The following PRKN variants were observed in gnomAD, a reference collection of about 807,000 sequenced individuals.
The protein encoded by PRKN is E3 ubiquitin-protein ligase parkin.
A neutral mutation model predicts 59.5 loss-of-function variants in PRKN; 56 were observed. The ratio of observed to expected loss-of-function variants is 0.94; its 90% CI spans 0.76 to 1.18. The LOEUF (loss-of-function observed/expected upper bound fraction) is 1.18, where lower values mean the gene tolerates loss of function less well. Ranked by LOEUF, PRKN falls within the 50% of genes most tolerant of loss-of-function variation. The pLI is 0.00. For missense variants in PRKN, 657 were observed against 596.4 expected (o/e 1.10, Z -1.06); for synonymous variants, 250 against 222.1 (o/e 1.13, Z -1.12).
rs1303082272 is a variant in PRKN at position 161,419,202 on chromosome 6, G to A, written c.1084-32325C>T. 6.6e-5 allele frequency among the ~76,000 whole-genome samples: 10 copies of A among 152,098 alleles called. No individual in the cohort carries two copies. Among genetic ancestry groups the A allele is most frequent in the Admixed American group, 2.0e-4 (3 of 15,268 alleles). On this transcript the variant is annotated intron_variant, in intron 9 of 11. Transcript: ENST00000366898. The surrounding 1 kb of genome is among the most constrained non-coding windows in gnomAD (Gnocchi z 4.1). ...ACACAGAGTTTGATGCTTCTTGTGC[G>A]TGATCTCACCTGTTCCCCCACTTAT...
intron 7 of PRKN, among the ~76,000 whole-genome samples, chr6:161,776,225 T>G (rs567030818): frequency 2.0e-5 from 3 of 152,164 alleles, no homozygotes; most frequent in Non-Finnish European, 4.4e-5. Flanking sequence ...GTTGGGTGAG[T>G]GCTACTCAGT....
chr6:161,621,037 G>A (rs892777215), intron 7 of PRKN, among the ~76,000 whole-genome samples: 12 of 152,106 alleles, frequency 7.9e-5, no homozygotes, highest in African/African-American at 2.2e-4. Flanking sequence ...GGGCTCACTT[G>A]AGTTTCTGCA....
At chr6:162,560,333 A>T (rs1357234510) in intron 1 of PRKN, among the ~76,000 whole-genome samples, 1 of 152,208 alleles carries the variant, frequency 6.6e-6, no homozygotes, top group African/African-American at 2.4e-5. Flanking sequence ...ATTCATGATT[A>T]GTTCAAAAGA....
At chr6:161,903,157 AAGGAGAC>A (rs1778000468) in intron 6 of PRKN, among the ~76,000 whole-genome samples, 1 of 149,954 alleles carries the variant, frequency 6.7e-6, no homozygotes, top group Non-Finnish European at 1.5e-5. Context: ...AGTCTTTCCA[AAGGAGAC>A]AGGACGGAAG....
intron 9 of PRKN, among the ~76,000 whole-genome samples, chr6:161,438,338 C>T (rs985024258): frequency 6.6e-6 from 1 of 151,494 alleles, no homozygotes; most frequent in Non-Finnish European, 1.5e-5. Flanking sequence ...CTGCCTCAGC[C>T]TCCTGAGGAG....
intron 6 of PRKN, among the ~76,000 whole-genome samples, chr6:161,793,045 G>C (rs987129878): frequency 6.6e-6 from 1 of 152,178 alleles, no homozygotes; most frequent in Admixed American, 6.5e-5. Context: ...ATGCCAGAGA[G>C]AGCATTTCAG....
intron 8 of PRKN, among the ~76,000 whole-genome samples, chr6:161,553,884 C>T (rs1176270456): frequency 3.3e-5 from 5 of 152,194 alleles, no homozygotes; most frequent in South Asian, 2.1e-4. Flanking sequence ...ATAGCTTCCT[C>T]GCTATCTGCT....
intron 7 of PRKN, among the ~76,000 whole-genome samples, chr6:161,668,890 CCTT>C (rs1451601102): frequency 6.6e-6 from 1 of 152,174 alleles, no homozygotes; most frequent in South Asian, 2.1e-4. Flanking sequence ...ACCCCACTGA[CCTT>C]CTTCTACCCC....
At chr6:161,853,645 T>C (rs548583437) in intron 6 of PRKN, among the ~76,000 whole-genome samples, 45 of 152,336 alleles carry the variant, frequency 3.0e-4, no homozygotes, top group African/African-American at 1.0e-3. Context: ...ACTTTTTCTC[T>C]GGAAAACTGA....
intron 4 of PRKN, among the ~76,000 whole-genome samples, chr6:162,144,565 G>A (rs756372952): frequency 3.9e-4 from 59 of 152,198 alleles, no homozygotes; most frequent in Non-Finnish European, 2.5e-4. Context: ...AATGTCTGCA[G>A]TAGGTGCACA....
intron 1 of PRKN, among the ~76,000 whole-genome samples, chr6:162,636,710 C>A (rs897970389): frequency 6.6e-6 from 1 of 152,200 alleles, no homozygotes; most frequent in Non-Finnish European, 1.5e-5. Flanking sequence ...AACAACTGGG[C>A]ATGGTGGCTA....
At chr6:162,578,121 T>C (rs190479730) in intron 1 of PRKN, among the ~76,000 whole-genome samples, 4 of 152,044 alleles carry the variant, frequency 2.6e-5, no homozygotes, top group Admixed American at 2.6e-4. Context: ...ATTCAACTCA[T>C]AGGGGTTTAT....
At position 161,390,860 on chromosome 6, in the gene PRKN, T is replaced by A. The variant is rs1786474056; in HGVS notation, c.1084-3983A>T. 6.6e-6 allele frequency among the ~76,000 whole-genome samples: 1 copy of A among 152,178 alleles called. No individual in the cohort carries two copies. The highest frequency in any genetic ancestry group is 6.5e-5 in the Admixed American group (1 of 15,274). ...CATTTGTGTGAATTATCATTTCAGATAACTATTAAGTCGTTATGACATTAA... is the reference window on the plus strand; with the variant it reads ...CATTTGTGTGAATTATCATTTCAGAAAACTATTAAGTCGTTATGACATTAA... On this transcript the variant is annotated intron_variant, in intron 9 of 11. Transcript: ENST00000366898. This position sits in a 1 kb window ranked among gnomAD's most constrained non-coding sequence, Gnocchi z 7.0.
At chr6:161,425,500 T>C (rs1158703047) in intron 9 of PRKN, among the ~76,000 whole-genome samples, 1 of 152,044 alleles carries the variant, frequency 6.6e-6, no homozygotes, top group African/African-American at 2.4e-5. Flanking sequence ...ATGGTGTAGG[T>C]CCGTGGTCCG....
intron 7 of PRKN, among the ~76,000 whole-genome samples, chr6:161,615,168 T>G (rs988328265): frequency 3.3e-5 from 5 of 152,194 alleles, no homozygotes; most frequent in Admixed American, 3.3e-4. Flanking sequence ...TTTCTTTTAA[T>G]GAGATGATAA....
intron 9 of PRKN, among the ~76,000 whole-genome samples, chr6:161,437,566 C>T (rs983508854): frequency 1.3e-5 from 2 of 152,244 alleles, no homozygotes; most frequent in Non-Finnish European, 2.9e-5. Flanking sequence ...GGCAGGGGAG[C>T]CTGGGCTAGG....
chr6:162,654,815 C>T (rs559457200), intron 1 of PRKN, among the ~76,000 whole-genome samples: 27 of 149,466 alleles, frequency 1.8e-4, no homozygotes, highest in African/African-American at 3.0e-4. Context: ...CTAAACAAGG[C>T]GGCACAGCAA....
At chr6:162,723,537 G>A (rs930112282) in intron 1 of PRKN, among the ~76,000 whole-genome samples, 7 of 152,130 alleles carry the variant, frequency 4.6e-5, no homozygotes, top group Non-Finnish European at 1.0e-4. Flanking sequence ...CAGGAAGGAC[G>A]TCTTTTGGCA....
chr6:162,165,629 C>T (rs1157923264), intron 4 of PRKN, among the ~76,000 whole-genome samples: 2 of 149,244 alleles, frequency 1.3e-5, no homozygotes, highest in Admixed American at 6.7e-5. Context: ...TGACAGCATC[C>T]GAGGCGGCGG....
Sources: gnomAD v4.1 joint callset for allele counts (sites outside exome capture counted in the v4.1 genomes callset) on GRCh38, gnomAD v4.1.1 for gene constraint, Gnocchi (gnomAD v3.1) non-coding constraint, MANE v1.5 for transcripts, NCBI Gene and HGNC (gene_info 2026-07-23, HGNC 2026-07-21) for gene names.